The following CSMD1 variants were observed in gnomAD, a reference collection of about 807,000 sequenced individuals.
CSMD1 encodes CUB and Sushi multiple domains 1.
Under a neutral mutation model 417.5 loss-of-function variants are expected in CSMD1, and 213 were observed. That is an observed-to-expected ratio of 0.51 (90% CI 0.46 to 0.57). The LOEUF (loss-of-function observed/expected upper bound fraction) is 0.57, where lower values mean the gene tolerates loss of function less well. Among genes scored for constraint, CSMD1 ranks in the 20% least tolerant of loss-of-function variants. The pLI is 0.00. For missense variants in CSMD1, 6,923 were observed against 4,529.7 expected (o/e 1.53, Z -15.17); for synonymous variants, 2,862 against 1,736.8 (o/e 1.65, Z -16.11).
At chr8:3,479,383 T>G (rs1173694185) in intron 11 of CSMD1, among the ~76,000 whole-genome samples, 1 of 152,114 alleles carries the variant, frequency 6.6e-6, no homozygotes, top group Non-Finnish European at 1.5e-5. Flanking sequence ...TGGGTTCAAG[T>G]GATTCTCCTG....
intron 2 of CSMD1, among the ~76,000 whole-genome samples, chr8:4,470,186 A>G (rs1024131325): frequency 6.6e-6 from 1 of 151,764 alleles, no homozygotes; most frequent in East Asian, 1.9e-4. Context: ...ATTCCTCTCC[A>G]TTGTGATCCT....
Position 4,994,389 on chromosome 8 carries a change from G to A in CSMD1, c.28C>T (p.Leu10=), listed in dbSNP as rs1811645538. The change falls in exon 1 of 70, where the codon CTG becomes TTG. Residue 10 remains leucine, a synonymous_variant. Transcript: ENST00000635120. MTAWRRFQS[L]LLLLGLLVLC... is the part of the protein sequence containing the mutation. ...ACCAGCAGCCCGAGAAGCAGGAGCA[G>A]CGACTGGAATCTCCTCCACGCAGTC... is the stretch of plus-strand genomic sequence containing the variant. 6.2e-7 allele frequency: 1 copy of A among 1,612,348 alleles called. No homozygotes were observed. The highest frequency in any genetic ancestry group is 8.5e-7 in the Non-Finnish European group (1 of 1,179,840).
At chr8:4,923,496 C>T (rs187746832) in intron 1 of CSMD1, among the ~76,000 whole-genome samples, 1 of 151,078 alleles carries the variant, frequency 6.6e-6, no homozygotes, top group South Asian at 2.1e-4. Context: ...TGTACTTTCT[C>T]TCTAAATATA....
intron 7 of CSMD1, among the ~76,000 whole-genome samples, chr8:3,675,744 A>G (rs1799339114): frequency 6.6e-6 from 1 of 152,204 alleles, no homozygotes; most frequent in Non-Finnish European, 1.5e-5. Context: ...TTGGACTTCC[A>G]GTCTCAAAAC....
At chr8:3,455,589 T>C (rs1421720539) in intron 12 of CSMD1, among the ~76,000 whole-genome samples, 1 of 152,208 alleles carries the variant, frequency 6.6e-6, no homozygotes, top group Non-Finnish European at 1.5e-5. Context: ...CCAGACCTTG[T>C]GTGCCTGGGT....
At chr8:3,541,911 C>T (rs1019821096) in intron 10 of CSMD1, among the ~76,000 whole-genome samples, 1 of 152,022 alleles carries the variant, frequency 6.6e-6, no homozygotes, top group South Asian at 2.1e-4. Context: ...AAAATACAAA[C>T]ATTAGCTGGG....
chr8:4,086,308 C>T (rs1378938699), intron 3 of CSMD1, among the ~76,000 whole-genome samples: 4 of 152,172 alleles, frequency 2.6e-5, no homozygotes, highest in Non-Finnish European at 5.9e-5. Flanking sequence ...AGTCATCAGA[C>T]AGAAGTTCCA....
intron 10 of CSMD1, among the ~76,000 whole-genome samples, chr8:3,505,013 G>C (rs1392405618): frequency 4.5e-5 from 3 of 66,484 alleles, no homozygotes; most frequent in East Asian, 1.3e-3. Flanking sequence ...TGGAGAAACA[G>C]TTAAAAAAAA....
chr8:3,608,079 G>A (rs555430778), intron 8 of CSMD1, among the ~76,000 whole-genome samples: 5 of 152,050 alleles, frequency 3.3e-5, no homozygotes, highest in East Asian at 1.9e-4. Context: ...GGCTGAGGCC[G>A]GAGAATTGTT....
intron 1 of CSMD1, among the ~76,000 whole-genome samples, chr8:4,773,651 G>A (rs1047953440): frequency 6.6e-6 from 1 of 152,118 alleles, no homozygotes; most frequent in Non-Finnish European, 1.5e-5. Context: ...AACGAGCACT[G>A]CAATGTGTTT....
intron 3 of CSMD1, among the ~76,000 whole-genome samples, chr8:4,044,929 TG>T (rs1798073754): frequency 7.1e-6 from 1 of 140,570 alleles, no homozygotes; most frequent in Non-Finnish European, 1.6e-5. Flanking sequence ...TTTAAAAAAA[TG>T]TCCCCATGGC....
intron 3 of CSMD1, among the ~76,000 whole-genome samples, chr8:4,090,033 A>T (rs1244711073): frequency 6.6e-6 from 1 of 152,194 alleles, no homozygotes; most frequent in Non-Finnish European, 1.5e-5. Flanking sequence ...ATTATATTTG[A>T]TATTGATTTA....
At chr8:4,818,318 T>A (rs1026619403) in intron 1 of CSMD1, among the ~76,000 whole-genome samples, 1 of 152,202 alleles carries the variant, frequency 6.6e-6, no homozygotes, top group Non-Finnish European at 1.5e-5. Context: ...AAAGCTAGAT[T>A]ACAAAAGTAT....
intron 1 of CSMD1, among the ~76,000 whole-genome samples, chr8:4,838,673 C>T (rs547334706): frequency 6.6e-6 from 1 of 152,314 alleles, no homozygotes; most frequent in African/African-American, 2.4e-5. Context: ...GGATGAGAAG[C>T]ATTTATAAGA....
intron 2 of CSMD1, among the ~76,000 whole-genome samples, chr8:4,544,679 A>C (rs1168167735): frequency 6.6e-6 from 1 of 152,230 alleles, no homozygotes; most frequent in Non-Finnish European, 1.5e-5. Flanking sequence ...TCCAGCTTTA[A>C]GCCAGGGTGT....
intron 6 of CSMD1, among the ~76,000 whole-genome samples, chr8:3,749,459 G>C (rs1322887914): frequency 6.6e-6 from 1 of 152,140 alleles, no homozygotes; most frequent in Non-Finnish European, 1.5e-5. Flanking sequence ...TATAATTGGA[G>C]AGGTGAAAGT....
chr8:3,608,198 G>C (rs1303942897), intron 8 of CSMD1, among the ~76,000 whole-genome samples: 1 of 148,764 alleles, frequency 6.7e-6, no homozygotes, highest in Non-Finnish European at 1.5e-5. Context: ...AAAAAGTAAA[G>C]GAAGAAAGAC....
At chr8:3,686,723 T>C (rs1010974892) in intron 7 of CSMD1, among the ~76,000 whole-genome samples, 3 of 152,238 alleles carry the variant, frequency 2.0e-5, no homozygotes, top group African/African-American at 7.2e-5. Flanking sequence ...CCCTTGGCCT[T>C]GCCACGTTTC....
At chr8:3,852,045 A>G (rs554667205) in intron 5 of CSMD1, among the ~76,000 whole-genome samples, 2 of 152,326 alleles carry the variant, frequency 1.3e-5, no homozygotes, top group African/African-American at 2.4e-5. Flanking sequence ...TGTATGAAAA[A>G]TAAGAATGGT....
Sources: allele counts gnomAD v4.1 joint callset (sites outside exome capture counted in the v4.1 genomes callset), GRCh38; gene constraint gnomAD v4.1.1; transcripts MANE v1.5; gene names NCBI Gene and HGNC (gene_info 2026-07-23, HGNC 2026-07-21).